ZNF804B: variants seen among roughly 807,000 people sequenced by gnomAD.
The protein encoded by ZNF804B is zinc finger 804B.
ZNF804B carries 80 observed loss-of-function variants against 101.4 expected under a neutral mutation model. The observed-to-expected ratio is 0.79, with a 90% CI of 0.66 to 0.95. ZNF804B has a LOEUF of 0.95. Among genes scored for constraint, ZNF804B ranks in the 40% least tolerant of loss-of-function variants. ZNF804B has a pLI of 0.00. For missense variants in ZNF804B, 1,673 were observed against 1,561.9 expected (o/e 1.07, Z -1.20); for synonymous variants, 622 against 558.8 (o/e 1.11, Z -1.59).
intron 1 of ZNF804B, among the ~76,000 whole-genome samples, chr7:88,922,788 A>G (rs1792737710): frequency 6.6e-6 from 1 of 152,022 alleles, no homozygotes; most frequent in Non-Finnish European, 1.5e-5. Flanking sequence ...CCAACATGAG[A>G]TGCTGCATTT....
chr7:89,019,427 A>T (rs1039190047), intron 1 of ZNF804B, among the ~76,000 whole-genome samples: 3 of 152,082 alleles, frequency 2.0e-5, no homozygotes, highest in Non-Finnish European at 4.4e-5. Context: ...AATGTTCCAT[A>T]CACTGATGAA....
At chr7:89,142,436 A>C (rs1016756009) in intron 1 of ZNF804B, among the ~76,000 whole-genome samples, 1 of 152,004 alleles carries the variant, frequency 6.6e-6, no homozygotes, top group Non-Finnish European at 1.5e-5. Flanking sequence ...GAACATTCCA[A>C]ATACCATTGC....
intron 1 of ZNF804B, among the ~76,000 whole-genome samples, chr7:89,083,049 G>A (rs1265821223): frequency 6.6e-6 from 1 of 151,562 alleles, no homozygotes; most frequent in Non-Finnish European, 1.5e-5. Flanking sequence ...ATTTCCAAGG[G>A]CATTTTATTT....
At chr7:89,045,262 G>C (rs1157314218) in intron 1 of ZNF804B, among the ~76,000 whole-genome samples, 1 of 152,228 alleles carries the variant, frequency 6.6e-6, no homozygotes, top group African/African-American at 2.4e-5. Flanking sequence ...GAAATGCCTG[G>C]ATGTCCAGGC....
intron 1 of ZNF804B, among the ~76,000 whole-genome samples, chr7:89,162,802 C>G (rs1248705415): frequency 9.5e-6 from 1 of 105,620 alleles, no homozygotes; most frequent in Non-Finnish European, 1.9e-5. Context: ...CATCCCTCCC[C>G]CCTCCCCCCA....
intron 2 of ZNF804B, among the ~76,000 whole-genome samples, chr7:89,271,382 T>A (rs2115839426): frequency 6.6e-6 from 1 of 152,322 alleles, no homozygotes; most frequent in East Asian, 1.9e-4. Context: ...TTGATTTGCA[T>A]ATGTTCAACC....
chr7:89,004,481 T>A (rs1035035377), intron 1 of ZNF804B, among the ~76,000 whole-genome samples: 2 of 151,414 alleles, frequency 1.3e-5, no homozygotes, highest in African/African-American at 4.8e-5. Flanking sequence ...GTTTCTGGGG[T>A]TTTTTTTGTT....
intron 1 of ZNF804B, among the ~76,000 whole-genome samples, chr7:89,214,931 C>T (rs1458188709): frequency 6.6e-6 from 1 of 152,060 alleles, no homozygotes; most frequent in African/African-American, 2.4e-5. Context: ...AAGCATGCCC[C>T]CCTTTACCAT....
chr7:88,950,531 T>C (rs1003570331), intron 1 of ZNF804B, among the ~76,000 whole-genome samples: 1 of 151,928 alleles, frequency 6.6e-6, no homozygotes, highest in Non-Finnish European at 1.5e-5. Flanking sequence ...TGTACCTCTG[T>C]AGAACATATA....
chr7:89,157,924 A>C (rs1791001066), intron 1 of ZNF804B, among the ~76,000 whole-genome samples: 1 of 152,202 alleles, frequency 6.6e-6, no homozygotes, highest in South Asian at 2.1e-4. Context: ...TAAGTTGAGC[A>C]AATAATTTCT....
chr7:88,857,897 C>T (rs1791595649), intron 1 of ZNF804B, among the ~76,000 whole-genome samples: 1 of 133,034 alleles, frequency 7.5e-6, no homozygotes, highest in Non-Finnish European at 1.5e-5. Flanking sequence ...AATCTCGGCT[C>T]ACTGCAACCT....
intron 1 of ZNF804B, among the ~76,000 whole-genome samples, chr7:89,192,025 T>C (rs1353370116): frequency 6.6e-6 from 1 of 152,124 alleles, no homozygotes; most frequent in African/African-American, 2.4e-5. Context: ...TGAGATAATA[T>C]CTGTCTAGAA....
chr7:89,179,488 T>A (rs920154702), intron 1 of ZNF804B, among the ~76,000 whole-genome samples: 1 of 152,254 alleles, frequency 6.6e-6, no homozygotes, highest in Admixed American at 6.5e-5. Flanking sequence ...GTTGATTTTT[T>A]AAAAGTATTT....
In ZNF804B at chr7:89,264,652, T is replaced by A. The variant is rs536682767; in HGVS notation, c.249+46357T>A. ...CAGGAGTATAATCCAAGGTTCTGCC[T>A]TTGTCCCTCACTTCTTGCTACATTG... On this transcript the variant is annotated intron_variant, in intron 2 of 3. Coordinates refer to ENST00000333190, the MANE Select transcript of ZNF804B (RefSeq NM_181646.5). Among the ~76,000 whole-genome samples, 19 of 152,286 alleles carry A rather than the reference T, an allele frequency of 1.2e-4. No homozygotes were observed. The South Asian group carries it at 3.7e-3, about 30-fold the overall frequency.
chr7:89,098,551 C>T (rs1790003544), intron 1 of ZNF804B, among the ~76,000 whole-genome samples: 1 of 152,160 alleles, frequency 6.6e-6, no homozygotes, highest in African/African-American at 2.4e-5. Context: ...GGATTGCAGG[C>T]GTGAGCCATT....
At chr7:89,028,459 C>T (rs1007041755) in intron 1 of ZNF804B, among the ~76,000 whole-genome samples, 1 of 152,148 alleles carries the variant, frequency 6.6e-6, no homozygotes, top group Admixed American at 6.5e-5. Flanking sequence ...AGTTAACTTA[C>T]TGTGTGCAAT....
intron 2 of ZNF804B, among the ~76,000 whole-genome samples, chr7:89,314,383 C>G (rs765176652): frequency 1.3e-5 from 2 of 152,036 alleles, no homozygotes; most frequent in African/African-American, 2.4e-5. Context: ...AAAAACTACA[C>G]CTACCAGTCA....
chr7:88,897,631 A>G (rs1025308120), intron 1 of ZNF804B, among the ~76,000 whole-genome samples: 6 of 152,300 alleles, frequency 3.9e-5, no homozygotes, highest in African/African-American at 1.4e-4. Context: ...CAATTTACAG[A>G]TAAAGAATCA....
At chr7:89,128,110 A>G (rs958318795) in intron 1 of ZNF804B, among the ~76,000 whole-genome samples, 1 of 151,868 alleles carries the variant, frequency 6.6e-6, no homozygotes, top group Non-Finnish European at 1.5e-5. Context: ...TGTAATTTTT[A>G]ATAAATTCCT....
Sources: allele counts gnomAD v4.1 joint callset (sites outside exome capture counted in the v4.1 genomes callset), GRCh38; gene constraint gnomAD v4.1.1; transcripts MANE v1.5; gene names NCBI Gene and HGNC (gene_info 2026-07-23, HGNC 2026-07-21).